RBFOX1: variants seen among roughly 807,000 people sequenced by gnomAD.
RBFOX1 encodes the protein RNA binding fox-1 homolog 1.
RBFOX1 carries 8 observed loss-of-function variants against 57.7 expected under a neutral mutation model. That is an observed-to-expected ratio of 0.14 (90% confidence interval 0.08 to 0.25). RBFOX1 has a LOEUF of 0.25. RBFOX1 is among the 10% of genes least tolerant of loss of function. The pLI is 1.00. For synonymous variants in RBFOX1, 326 were observed against 222.4 expected, an observed-to-expected ratio of 1.47 and a Z score of -4.15; for missense variants, 611 against 548.5, an observed-to-expected ratio of 1.11 and a Z score of -1.14.
intron 3 of RBFOX1, among the ~76,000 whole-genome samples, chr16:6,945,913 G>C (rs974624419): frequency 2.6e-5 from 4 of 152,198 alleles, no homozygotes; most frequent in Non-Finnish European, 5.9e-5. Context: ...GAATCTGCTG[G>C]TGCTAACCCT....
intron 3 of RBFOX1, among the ~76,000 whole-genome samples, chr16:7,020,192 A>G (rs1003116168): frequency 2.0e-5 from 3 of 151,412 alleles, no homozygotes; most frequent in Non-Finnish European, 4.4e-5. Flanking sequence ...AATCTAAAAT[A>G]TTTTCTTTTT....
chr16:6,657,578 A>G (rs1337242941), intron 3 of RBFOX1, among the ~76,000 whole-genome samples: 1 of 152,088 alleles, frequency 6.6e-6, no homozygotes, highest in African/African-American at 2.4e-5. Flanking sequence ...TTGTTTAGGA[A>G]ATTTCACCAC....
chr16:7,452,923 G>A (rs904131354), intron 4 of RBFOX1, among the ~76,000 whole-genome samples: 1 of 152,070 alleles, frequency 6.6e-6, no homozygotes, highest in African/African-American at 2.4e-5. Context: ...GAGGCCAGGA[G>A]TTAGAGAACA....
chr16:7,656,913 T>G (rs2066456888), intron 12 of RBFOX1, among the ~76,000 whole-genome samples: 1 of 152,072 alleles, frequency 6.6e-6, no homozygotes. Context: ...GTCCAAACAT[T>G]TCCTAAATTG....
intron 4 of RBFOX1, among the ~76,000 whole-genome samples, chr16:6,007,557 G>A (rs1422045343): frequency 6.6e-6 from 1 of 152,188 alleles, no homozygotes; most frequent in Non-Finnish European, 1.5e-5. Context: ...TGACCCATAG[G>A]CACTGTGAGT....
chr16:5,720,708 T>G (rs2151532847), intron 3 of RBFOX1, among the ~76,000 whole-genome samples: 1 of 152,346 alleles, frequency 6.6e-6, no homozygotes, highest in South Asian at 2.1e-4. Flanking sequence ...TTGAATGCCC[T>G]TTATGCCCTC....
At chr16:5,480,141 A>G (rs1166941989) in intron 2 of RBFOX1, among the ~76,000 whole-genome samples, 1 of 152,202 alleles carries the variant, frequency 6.6e-6, no homozygotes, top group African/African-American at 2.4e-5. Context: ...TCTCAGATTC[A>G]CAGAATGACT....
At chr16:6,524,639 CA>C (rs2096554081) in intron 2 of RBFOX1, among the ~76,000 whole-genome samples, 1 of 152,166 alleles carries the variant, frequency 6.6e-6, no homozygotes. Context: ...CAAAGTAGCA[CA>C]GACTTCTCTC....
chr16:6,976,955 T>C (rs981743993), intron 3 of RBFOX1, among the ~76,000 whole-genome samples: 1 of 147,400 alleles, frequency 6.8e-6, no homozygotes, highest in African/African-American at 2.5e-5. Flanking sequence ...ATATATCATA[T>C]ATATTAAATA....
chr16:7,025,943 G>T (rs1321997827), intron 3 of RBFOX1, among the ~76,000 whole-genome samples: 6 of 152,190 alleles, frequency 3.9e-5, no homozygotes, highest in African/African-American at 1.4e-4. Context: ...CACCTGGCCT[G>T]GAAAGAGAGC....
intron 4 of RBFOX1, among the ~76,000 whole-genome samples, chr16:5,999,898 AAAAAAAAAAGAGTG>A (rs1421103933): frequency 0.019 from 1,100 of 57,502 alleles, 286 homozygotes; most frequent in Non-Finnish European, 0.03. Flanking sequence ...AAAAAAAAAA[AAAAAAAAAAGAGTG>A]AAGAAGGGAA....
At chr16:7,033,164 C>A (rs1234812158) in intron 3 of RBFOX1, among the ~76,000 whole-genome samples, 1 of 152,044 alleles carries the variant, frequency 6.6e-6, no homozygotes, top group Admixed American at 6.6e-5. Flanking sequence ...GATGACGAGG[C>A]GGTAAAGGTG....
intron 12 of RBFOX1, among the ~76,000 whole-genome samples, chr16:7,663,821 A>G (rs1023748833): frequency 3.9e-5 from 6 of 152,238 alleles, no homozygotes; most frequent in African/African-American, 1.4e-4. Context: ...TGTGAAGGCT[A>G]CATATGATTC....
chr16:5,302,953 T>G (rs2151201681), intron 1 of RBFOX1, among the ~76,000 whole-genome samples: 1 of 152,352 alleles, frequency 6.6e-6, no homozygotes, highest in South Asian at 2.1e-4. Context: ...TATGGTCAGG[T>G]TTAAGTCTAT....
chr16:6,784,102 G>C (rs1009819926), intron 3 of RBFOX1, among the ~76,000 whole-genome samples: 5 of 151,888 alleles, frequency 3.3e-5, no homozygotes, highest in Non-Finnish European at 7.4e-5. Flanking sequence ...TTTGATTATT[G>C]TATACCTCTG....
chr16:5,856,713 G>A (rs186556776), intron 3 of RBFOX1, among the ~76,000 whole-genome samples: 10 of 150,674 alleles, frequency 6.6e-5, no homozygotes, highest in Non-Finnish European at 1.2e-4. Context: ...TCATGAGCCA[G>A]GCTCTGCTAG....
intron 1 of RBFOX1, among the ~76,000 whole-genome samples, chr16:6,075,366 T>C (rs1478266660): frequency 1.3e-5 from 2 of 152,246 alleles, no homozygotes; most frequent in African/African-American, 4.8e-5. Flanking sequence ...TCCATTGATA[T>C]TCTTTATGTG....
chr16:7,514,199 G>A (rs545930924), intron 4 of RBFOX1, among the ~76,000 whole-genome samples: 11 of 152,094 alleles, frequency 7.2e-5, no homozygotes, highest in South Asian at 6.3e-4. Context: ...GTACAAAAGC[G>A]GCTACAGACA....
At chr16:7,598,626 T>C (rs2094838449) in intron 9 of RBFOX1, among the ~76,000 whole-genome samples, 1 of 152,184 alleles carries the variant, frequency 6.6e-6, no homozygotes, top group East Asian at 1.9e-4. Context: ...GTCTATAGTT[T>C]TATTTTGCGT....
Sources: gnomAD v4.1 joint callset for allele counts (sites outside exome capture counted in the v4.1 genomes callset) on GRCh38, gnomAD v4.1.1 for gene constraint, MANE v1.5 for transcripts, NCBI Gene and HGNC (gene_info 2026-07-23, HGNC 2026-07-21) for gene names.